The following PLEKHA7 variants were observed in gnomAD, a reference collection of about 807,000 sequenced individuals.
PLEKHA7 encodes the protein pleckstrin homology domain containing A7.
A neutral mutation model predicts 170.0 loss-of-function variants in PLEKHA7; 104 were observed. The observed-to-expected ratio is 0.61, with a 90% CI of 0.52 to 0.72. The LOEUF is 0.72. PLEKHA7 is among the 30% of genes least tolerant of loss of function. The probability of loss-of-function intolerance (pLI) is 0.00; values close to 1 mark genes in which losing one functional copy is unlikely to be tolerated. For synonymous variants in PLEKHA7, 648 were observed against 660.8 expected (o/e 0.98, Z 0.30); for missense variants, 1,615 against 1,671.7 (o/e 0.97, Z 0.59).
intron 3 of PLEKHA7, among the ~76,000 whole-genome samples, chr11:17,003,083 C>T (rs1864775563): frequency 6.6e-6 from 1 of 151,166 alleles, no homozygotes; most frequent in Admixed American, 6.6e-5. Flanking sequence ...ACCTCTGCCT[C>T]CCGTTCAAGC....
At chr11:16,904,791 C>T (rs1021614078) in intron 3 of PLEKHA7, among the ~76,000 whole-genome samples, 4 of 151,956 alleles carry the variant, frequency 2.6e-5, no homozygotes, top group Non-Finnish European at 4.4e-5. Flanking sequence ...AATTTTAAAA[C>T]TTCAAAATGG....
intron 3 of PLEKHA7, among the ~76,000 whole-genome samples, chr11:16,950,237 C>A (rs1011957702): frequency 2.0e-5 from 3 of 152,048 alleles, no homozygotes; most frequent in Non-Finnish European, 4.4e-5. Flanking sequence ...AAAATAGAAC[C>A]AATGGGCATG....
At chr11:16,996,597 A>G (rs1423822959) in intron 3 of PLEKHA7, among the ~76,000 whole-genome samples, 1 of 152,242 alleles carries the variant, frequency 6.6e-6, no homozygotes, top group Non-Finnish European at 1.5e-5. Context: ...GTCCTCAGCC[A>G]GGACTGAGTT....
chr11:16,958,822 G>A (rs761799324), intron 3 of PLEKHA7, among the ~76,000 whole-genome samples: 1 of 151,094 alleles, frequency 6.6e-6, no homozygotes, highest in Non-Finnish European at 1.5e-5. Flanking sequence ...TTGCACAGCC[G>A]ATGTAACCAG....
intron 3 of PLEKHA7, among the ~76,000 whole-genome samples, chr11:16,940,093 C>A (rs1261924973): frequency 6.6e-6 from 1 of 151,738 alleles, no homozygotes; most frequent in African/African-American, 2.4e-5. Flanking sequence ...CATAAACAAT[C>A]AAAACTTTAA....
chr11:16,897,414 G>A (rs1392981735), intron 3 of PLEKHA7, among the ~76,000 whole-genome samples: 1 of 152,052 alleles, frequency 6.6e-6, no homozygotes, highest in African/African-American at 2.4e-5. Context: ...ATCATATAGT[G>A]CAGAAACCCC....
intron 3 of PLEKHA7, among the ~76,000 whole-genome samples, chr11:16,950,808 C>T (rs559185046): frequency 6.6e-6 from 1 of 152,348 alleles, no homozygotes; most frequent in Admixed American, 6.5e-5. Flanking sequence ...ATACCCTTGC[C>T]TAACTCCCAG....
chr11:16,975,405 T>C (rs1465028038), intron 3 of PLEKHA7, among the ~76,000 whole-genome samples: 1 of 152,210 alleles, frequency 6.6e-6, no homozygotes, highest in East Asian at 1.9e-4. Flanking sequence ...TTCAACTGTA[T>C]AATGAAATCG....
intron 3 of PLEKHA7, among the ~76,000 whole-genome samples, chr11:16,928,933 T>C (rs574614369): frequency 6.6e-6 from 1 of 152,326 alleles, no homozygotes; most frequent in Middle Eastern, 3.4e-3. Flanking sequence ...AAAAGACTAC[T>C]AGAGGGATAT....
At chr11:16,796,099 T>C (rs554088742) in intron 17 of PLEKHA7, among the ~76,000 whole-genome samples, 1 of 152,186 alleles carries the variant, frequency 6.6e-6, no homozygotes, top group South Asian at 2.1e-4. Context: ...CCTCAGATGA[T>C]CTGCCTGCCT....
At chr11:16,914,338 C>T (rs1333517961) in intron 3 of PLEKHA7, among the ~76,000 whole-genome samples, 1 of 152,204 alleles carries the variant, frequency 6.6e-6, no homozygotes, top group African/African-American at 2.4e-5. Context: ...TCAGTCTCAT[C>T]TGTGACGTAC....
At chr11:16,945,083 G>A (rs1860943797) in intron 3 of PLEKHA7, among the ~76,000 whole-genome samples, 1 of 151,990 alleles carries the variant, frequency 6.6e-6, no homozygotes, top group African/African-American at 2.4e-5. Flanking sequence ...TTACAAGCAT[G>A]TGCCACCATG....
intron 3 of PLEKHA7, among the ~76,000 whole-genome samples, chr11:16,899,987 G>T (rs924799249): frequency 2.0e-5 from 3 of 152,190 alleles, no homozygotes; most frequent in African/African-American, 7.2e-5. Context: ...CCTGGATAAG[G>T]TGTGGGGGGC....
intron 3 of PLEKHA7, among the ~76,000 whole-genome samples, chr11:16,875,678 C>T (rs775208748): frequency 6.6e-6 from 1 of 152,024 alleles, no homozygotes; most frequent in Non-Finnish European, 1.5e-5. Flanking sequence ...CTCCTGAGCT[C>T]AAGCAATCTA....
intron 3 of PLEKHA7, among the ~76,000 whole-genome samples, chr11:16,981,453 C>A (rs1271789084): frequency 6.6e-6 from 1 of 152,132 alleles, no homozygotes; most frequent in Non-Finnish European, 1.5e-5. Context: ...AGAAGAGCTT[C>A]CTGGAACACC....
intron 3 of PLEKHA7, among the ~76,000 whole-genome samples, chr11:16,912,248 CAT>C (rs887926914): frequency 6.6e-6 from 1 of 152,196 alleles, no homozygotes; most frequent in African/African-American, 2.4e-5. Flanking sequence ...AGGTCCCAGA[CAT>C]ATTTTTTAAA....
chr11:16,931,762 C>T lies in PLEKHA7; in HGVS notation c.222-60580G>A, dbSNP rs1164964396. 4.1e-3 allele frequency among the ~76,000 whole-genome samples: 594 copies of T among 146,434 alleles called. 2 individuals carry two copies. The highest frequency in any genetic ancestry group is 0.015 in the African/African-American group (552 of 37,886). On this transcript the variant is annotated intron_variant, in intron 3 of 26. Transcript: ENST00000531066. Reference sequence around the variant, plus strand: ...AGAGTGAATGAGATTCCATCCCCCCCCCCCCAAAAAAAAAAAAGGGAAGAA... The same window carrying T: ...AGAGTGAATGAGATTCCATCCCCCCTCCCCCAAAAAAAAAAAAGGGAAGAA...
chr11:16,824,125 G>C (rs1850450177), intron 10 of PLEKHA7, among the ~76,000 whole-genome samples: 1 of 152,204 alleles, frequency 6.6e-6, no homozygotes. Flanking sequence ...GTGGGCAGGG[G>C]GGAGTAGGGA....
intron 13 of PLEKHA7, among the ~76,000 whole-genome samples, chr11:16,808,930 A>C (rs1340756522): frequency 6.6e-6 from 1 of 152,232 alleles, no homozygotes; most frequent in African/African-American, 2.4e-5. Context: ...ATGTCCCAGC[A>C]GTGTAACTTT....
Sources: gnomAD v4.1 joint callset for allele counts (sites outside exome capture counted in the v4.1 genomes callset) on GRCh38, gnomAD v4.1.1 for gene constraint, MANE v1.5 for transcripts, NCBI Gene and HGNC (gene_info 2026-07-23, HGNC 2026-07-21) for gene names.